The following ACSF2 variants were observed in gnomAD, a reference collection of about 807,000 sequenced individuals.
ACSF2 encodes the protein acyl-CoA synthetase family member 2, also known as medium-chain acyl-CoA ligase ACSF2, mitochondrial.
ACSF2 carries 52 observed loss-of-function variants against 79.3 expected under a neutral mutation model. The ratio of observed to expected loss-of-function variants is 0.66; its 90% CI spans 0.53 to 0.83. ACSF2 has a LOEUF of 0.83. Ranked by LOEUF, ACSF2 falls within the 40% of genes least tolerant of loss-of-function variation. ACSF2 has a pLI of 0.00. For missense variants in ACSF2, 661 were observed against 803.3 expected, an observed-to-expected ratio of 0.82 and a Z score of 2.14; for synonymous variants, 283 against 312.6, an observed-to-expected ratio of 0.91 and a Z score of 1.00.
chr17:50,462,224 C>T lies in ACSF2; in HGVS notation c.548C>T (p.Thr183Ile), dbSNP rs779554757. ...KALVFPKQFK[T>I]QQYYNVLKQI... is the part of the protein sequence containing the mutation. ...CTTGTGTTCCCCAAGCAATTCAAGACCCAGCAATACTACAACGTCCTGAAG... is the reference window on the plus strand; with the variant it reads ...CTTGTGTTCCCCAAGCAATTCAAGATCCAGCAATACTACAACGTCCTGAAG... The change falls in exon 5 of 16, where the codon ACC (threonine) becomes ATC (isoleucine). Residue 183 changes from threonine to isoleucine, a missense_variant. Physicochemically the swap from Thr to Ile is moderately conservative, Grantham distance 89. Transcript: ENST00000300441. The T allele has an allele frequency of 1.3e-5, 21 of 1,613,936 alleles. No homozygotes were observed. The highest frequency in any genetic ancestry group is 1.7e-5 in the Non-Finnish European group (20 of 1,180,012).
intron 1 of ACSF2, among the ~76,000 whole-genome samples, chr17:50,436,685 C>T (rs1460623612): frequency 4.8e-5 from 7 of 146,546 alleles, no homozygotes; most frequent in East Asian, 2.0e-4. Context: ...CCACCTACCT[C>T]GGCCTCCCAA....
At chr17:50,461,745 ACT>A in intron 4 of ACSF2, 59 bp downstream of exon 4, 1 of 1,598,366 alleles carries the variant, frequency 6.3e-7, no homozygotes. Flanking sequence ...GGCTGCACAG[ACT>A]CTGCTTGTCA....
At chr17:50,444,510 G>T (rs957662621) in intron 1 of ACSF2, among the ~76,000 whole-genome samples, 2 of 151,810 alleles carry the variant, frequency 1.3e-5, no homozygotes, top group East Asian at 3.9e-4. Flanking sequence ...AGCTGAGATC[G>T]CACCACTGCA....
intron 1 of ACSF2, chr17:50,427,049 G>C: frequency 6.8e-7 from 1 of 1,479,954 alleles, no homozygotes; most frequent in South Asian, 1.2e-5. Context: ...ATGTGAAAGT[G>C]CTTGAGACAC....
At chr17:50,427,076 C>G (rs1915061002) in intron 1 of ACSF2, 2 of 1,304,648 alleles carry the variant, frequency 1.5e-6, no homozygotes, top group Admixed American at 2.0e-5. Context: ...CAGGCTGCCA[C>G]TCATGTTATC....
At chr17:50,465,987 G>A in intron 10 of ACSF2, 1 of 1,110,712 alleles carries the variant, frequency 9.0e-7, no homozygotes, top group Non-Finnish European at 1.3e-6. Flanking sequence ...ACTTTGAGGA[G>A]TTTCCCAGTT....
intron 10 of ACSF2, chr17:50,468,540 C>T: frequency 6.2e-7 from 1 of 1,614,236 alleles, no homozygotes; most frequent in Non-Finnish European, 8.5e-7. Context: ...AAGGCACCGG[C>T]GGCCACCTCG....
rs1169045836 is a variant in ACSF2 at position 50,468,637 on chromosome 17, C to G, written c.1216-2391C>G. 3 of 1,614,120 alleles carry G rather than the reference C, an allele frequency of 1.9e-6. No homozygotes were observed. The African/African-American group carries it at 4.0e-5, about 22-fold the overall frequency. ...CAGCCAGCACCGGGAAGTTGTTGCG[C>G]TGTAGGTTGAGCAGCTTGGTCTTCT... is the stretch of plus-strand genomic sequence containing the variant. On this transcript the variant is annotated intron_variant, in intron 10 of 15. Transcript: ENST00000300441.
chr17:50,465,324 T>C lies in ACSF2; in HGVS notation c.1215+1030T>C, dbSNP rs1418591871. On this transcript the variant is annotated intron_variant, in intron 10 of 15. Transcript: ENST00000300441. ...TAATGGCGGCCAGCTTTCTTGGACC[T>C]CTTGGTGGGGAACTTGCAGCTGCGG... The C allele has an allele frequency of 2.5e-6, 4 of 1,613,996 alleles. No individual in the cohort carries two copies. The South Asian group carries it at 4.4e-5, about 18-fold the overall frequency.
In ACSF2 at chr17:50,468,365, A is replaced by G. The variant is rs1230353810; in HGVS notation, c.1216-2663A>G. The stretch of plus-strand genomic sequence containing the variant: ...CTTGTTGTTGTTGAGCTGCAAGATG[A>G]AGAGGTTGACCAGCGGGGAGAGCAA... On this transcript the variant is annotated intron_variant, in intron 10 of 15. Transcript: ENST00000300441. 1.2e-6 allele frequency: 2 copies of G among 1,614,072 alleles called. No homozygotes were observed. The highest frequency in any genetic ancestry group is 1.7e-6 in the Non-Finnish European group (2 of 1,180,042).
At position 50,426,378 on chromosome 17, in the gene ACSF2, C is replaced by T; in HGVS notation, c.117C>T (p.Val39=). ...GGCAGGAAGCCAGGTTGCAGGGTGT[C>T]CGCTTCCTCAGGTACTGGCCCCCCG... ...RSWQEARLQG[V]RFLSSREVDR... The change falls in exon 1 of 16, where the codon GTC becomes GTT. Residue 39 remains valine, a synonymous_variant. Coordinates refer to ENST00000300441, the MANE Select transcript of ACSF2 (RefSeq NM_025149.6). 1.5e-6 allele frequency: 2 copies of T among 1,376,358 alleles called. No individual in the cohort carries two copies. The highest frequency in any genetic ancestry group is 1.9e-6 in the Non-Finnish European group (2 of 1,057,722). The allele number at this position is 1,376,358 out of a possible 1,614,324, so 85.3% of individuals were successfully genotyped here.
intron 1 of ACSF2, among the ~76,000 whole-genome samples, chr17:50,440,771 G>C (rs1256917168): frequency 6.6e-6 from 1 of 152,266 alleles, no homozygotes; most frequent in Non-Finnish European, 1.5e-5. Context: ...GGGGCAGAAG[G>C]CTTTCCAGGT....
intron 10 of ACSF2, chr17:50,464,769 T>TGGGGGGG: frequency 6.1e-6 from 1 of 164,260 alleles, no homozygotes; most frequent in Non-Finnish European, 1.2e-5. Flanking sequence ...CTGATTGACT[T>TGGGGGGG]GGGGGGGGGG....
chr17:50,443,476 T>C (rs2031085268), intron 1 of ACSF2, among the ~76,000 whole-genome samples: 1 of 152,206 alleles, frequency 6.6e-6, no homozygotes, highest in Non-Finnish European at 1.5e-5. Context: ...AAACTGAAGA[T>C]CGATTTAGAA....
chr17:50,430,521 T>C (rs1213286094), intron 1 of ACSF2, among the ~76,000 whole-genome samples: 1 of 152,000 alleles, frequency 6.6e-6, no homozygotes, highest in Non-Finnish European at 1.5e-5. Flanking sequence ...CAAAATTAGC[T>C]GGGCATGGTG....
intron 10 of ACSF2, 35 bp from the exon 11 acceptor site, chr17:50,470,993 G>A (rs1459143818): frequency 3.3e-6 from 5 of 1,514,542 alleles, no homozygotes; most frequent in East Asian, 2.3e-5. Flanking sequence ...TGCACGTGCT[G>A]AGCCCTCTTC....
chr17:50,446,903 T>G (rs2031339402), intron 1 of ACSF2, among the ~76,000 whole-genome samples: 2 of 152,236 alleles, frequency 1.3e-5, no homozygotes, highest in African/African-American at 4.8e-5. Context: ...TGATGGACAT[T>G]TGGGTATTTT....
chr17:50,440,232 C>G (rs771767151), intron 1 of ACSF2, among the ~76,000 whole-genome samples: 2 of 151,372 alleles, frequency 1.3e-5, no homozygotes, highest in African/African-American at 4.8e-5. Context: ...GTATGGCACC[C>G]TCCCCAGGAA....
chr17:50,469,270 C>T (rs1280327191), intron 10 of ACSF2, among the ~76,000 whole-genome samples: 1 of 152,252 alleles, frequency 6.6e-6, no homozygotes, highest in East Asian at 1.9e-4. Flanking sequence ...GCCGCGCCAT[C>T]CACACACGCT....
Sources: allele counts gnomAD v4.1 joint callset (sites outside exome capture counted in the v4.1 genomes callset), GRCh38; gene constraint gnomAD v4.1.1; transcripts MANE v1.5; gene names NCBI Gene and HGNC (gene_info 2026-07-23, HGNC 2026-07-21).